The following IGSF3 variants were observed in gnomAD, a reference collection of about 807,000 sequenced individuals.
IGSF3 encodes the protein immunoglobulin superfamily member 3.
In IGSF3, 23 loss-of-function variants were observed where a neutral mutation model predicts 114.4. The ratio of observed to expected loss-of-function variants is 0.20; its 90% confidence interval spans 0.14 to 0.28. The LOEUF is 0.28. Among genes scored for constraint, IGSF3 ranks in the 10% least tolerant of loss-of-function variants. IGSF3 has a pLI of 1.00. For missense variants in IGSF3, 1,172 were observed against 1,591.5 expected, an observed-to-expected ratio of 0.74 and a Z score of 4.48; for synonymous variants, 571 against 645.2, an observed-to-expected ratio of 0.88 and a Z score of 1.74.
Position 116,651,375 on chromosome 1 carries a change from C to A in IGSF3, c.43+14909G>T, listed in dbSNP as rs1648630830. ...CCAGACCCAAATACACATGCTCCCA[C>A]CTGAGGCTGGGAAATGTACCAAGAA... On this transcript the variant is annotated intron_variant, in intron 2 of 10. Transcript: ENST00000369486. This position sits in a 1 kb window ranked among gnomAD's most constrained non-coding sequence, Gnocchi z 4.4. Among the ~76,000 whole-genome samples, 1 of 152,184 alleles carries A rather than the reference C, an allele frequency of 6.6e-6. No individual in the cohort carries two copies. The highest frequency in any genetic ancestry group is 2.4e-5 in the African/African-American group (1 of 41,438).
At chr1:116,631,734 C>T (rs1647600410) in intron 2 of IGSF3, among the ~76,000 whole-genome samples, 2 of 152,186 alleles carry the variant, frequency 1.3e-5, no homozygotes, top group African/African-American at 4.8e-5. Context: ...CTAGACCATC[C>T]TGCCATGTGC....
At position 116,585,453 on chromosome 1, in the gene IGSF3, T is replaced by C. The variant is rs1356741792; in HGVS notation, c.2441-401A>G. Among the ~76,000 whole-genome samples, 1 of 152,142 alleles carries C rather than the reference T, an allele frequency of 6.6e-6. No homozygotes were observed. Among genetic ancestry groups the C allele is most frequent in the African/African-American group, 2.4e-5 (1 of 41,422 alleles). On this transcript the variant is annotated intron_variant, in intron 8 of 10. Transcript: ENST00000369486. This position sits in a 1 kb window ranked among gnomAD's most constrained non-coding sequence, Gnocchi z 4.9. ...ACCTCTGAAAAGCAAGAGTAAACTT[T>C]TAAAACTGATCATATGGTGGCTAGA... is the stretch of plus-strand genomic sequence containing the variant.
Position 116,583,505 on chromosome 1 carries a change from G to C in IGSF3, c.2848+1140C>G, listed in dbSNP as rs2101322162. Among the ~76,000 whole-genome samples the C allele has an allele frequency of 6.6e-6, 1 of 152,310 alleles. No individual in the cohort carries two copies. Among genetic ancestry groups the C allele is most frequent in the East Asian group, 1.9e-4 (1 of 5,184 alleles). ...CCCTGAAGCATGTTCCATGACATAA[G>C]AGACCTGGCACCACCCTGGAGATGC... On this transcript the variant is annotated intron_variant, in intron 9 of 10. Transcript: ENST00000369486. This position sits in a 1 kb window ranked among gnomAD's most constrained non-coding sequence, Gnocchi z 4.5.
chr1:116,591,022 G>A (rs1480777125), intron 7 of IGSF3, among the ~76,000 whole-genome samples: 2 of 150,730 alleles, frequency 1.3e-5, no homozygotes, highest in African/African-American at 4.9e-5. Context: ...GCACCACTTA[G>A]AGAGAAATCC....
Position 116,644,019 on chromosome 1 carries a change from C to A in IGSF3, c.43+22265G>T, listed in dbSNP as rs1271092734. Among the ~76,000 whole-genome samples, 3 of 152,204 alleles carry A rather than the reference C, an allele frequency of 2.0e-5. No individual in the cohort carries two copies. The highest frequency in any genetic ancestry group is 4.4e-5 in the Non-Finnish European group (3 of 68,020). Reference sequence around the variant, plus strand: ...CCCAGCACGCATGCTGCAAGATAAACTTCAGTGCTCAGCCCTCTCACTGTG... The same window carrying A: ...CCCAGCACGCATGCTGCAAGATAAAATTCAGTGCTCAGCCCTCTCACTGTG... On this transcript the variant is annotated intron_variant, in intron 2 of 10. Transcript: ENST00000369486. The surrounding 1 kb of genome is among the most constrained non-coding windows in gnomAD (Gnocchi z 5.6).
intron 2 of IGSF3, among the ~76,000 whole-genome samples, chr1:116,619,738 C>A (rs1283975219): frequency 6.6e-6 from 1 of 152,066 alleles, no homozygotes; most frequent in Admixed American, 6.6e-5. Context: ...CCCCTCCCAA[C>A]CTACAATAGA....
Position 116,588,844 on chromosome 1 carries a change from G to C in IGSF3, c.2290C>G (p.Leu764Val). ...GCTCTCTGGACGGTGAGGCTGAACA[G>C]GCCCCCCGACACATGCCTCTCAAAC... ...LQFERHVSGG[L>V]FSLTVQRAEV... is the part of the protein sequence containing the mutation. The change falls in exon 8 of 11, where the codon CTG becomes GTG. Residue 764 changes from leucine to valine, a missense_variant. Leu to Val is a conservative substitution (Grantham distance 32, BLOSUM62 1). This residue lies in a region of IGSF3 where 736 missense variants were observed against 1,042.0 expected (regional missense o/e 0.71). Coordinates refer to ENST00000369486, the MANE Select transcript of IGSF3 (RefSeq NM_001007237.3). The surrounding 1 kb of genome is among the most constrained non-coding windows in gnomAD (Gnocchi z 4.9). 1 of 1,614,216 alleles carries C rather than the reference G, an allele frequency of 6.2e-7. No individual in the cohort carries two copies. The highest frequency in any genetic ancestry group is 8.5e-7 in the Non-Finnish European group (1 of 1,180,030).
rs888052074 is a variant in IGSF3 at position 116,657,726 on chromosome 1, C to G, written c.43+8558G>C. On this transcript the variant is annotated intron_variant, in intron 2 of 10. Transcript: ENST00000369486. The surrounding 1 kb of genome is among the most constrained non-coding windows in gnomAD (Gnocchi z 4.2). ...TGCCACAGGTGTACCCAGTGCCCTGCCGAGAGCAGAGACAGTGTTCTCAGA... is the reference window on the plus strand; with the variant it reads ...TGCCACAGGTGTACCCAGTGCCCTGGCGAGAGCAGAGACAGTGTTCTCAGA... Among the ~76,000 whole-genome samples, 19 of 152,242 alleles carry G rather than the reference C, an allele frequency of 1.2e-4. 1 individual carries two copies. Among genetic ancestry groups the G allele is most frequent in the Admixed American group, 1.2e-3 (18 of 15,294 alleles).
chr1:116,620,237 G>A (rs986220500), intron 2 of IGSF3, among the ~76,000 whole-genome samples: 8 of 152,144 alleles, frequency 5.3e-5, no homozygotes, highest in African/African-American at 1.9e-4. Flanking sequence ...AGGTGAGCAC[G>A]GAGGCAGTTT....
In IGSF3 at chr1:116,613,939, G is replaced by A. The variant is rs750045141; in HGVS notation, c.658C>T (p.Arg220Trp). The change falls in exon 4 of 11, where the codon CGG becomes TGG. Residue 220 changes from arginine to tryptophan, a missense_variant. Around this residue, in one of 3 missense-constraint regions of IGSF3, gnomAD observed 736 missense variants for 1,042.0 expected, o/e 0.71. Transcript: ENST00000369486. ...GTGGTCCTCCCCAGCTTGTCCAGCC[G>A]CACCTCCCCCAGGCTCTGCCTCTGG... ...YAQRQSLGEV[R>W]LDKLGRTTFR... 13 of 1,613,752 alleles carry A rather than the reference G, an allele frequency of 8.1e-6. No homozygotes were observed. The highest frequency in any genetic ancestry group is 8.0e-5 in the African/African-American group (6 of 74,934).
Position 116,605,816 on chromosome 1 carries a change from G to A in IGSF3, c.1223-1791C>T, listed in dbSNP as rs1157601618. Among the ~76,000 whole-genome samples the A allele has an allele frequency of 6.6e-6, 1 of 152,180 alleles. No homozygotes were observed. The highest frequency in any genetic ancestry group is 2.4e-5 in the African/African-American group (1 of 41,438). Reference sequence around the variant, plus strand: ...ATCAAGGAAGAAAATCCTTTCACTTGTATTAAGCAGAAGAATGACTTGCAG... The same window carrying A: ...ATCAAGGAAGAAAATCCTTTCACTTATATTAAGCAGAAGAATGACTTGCAG... On this transcript the variant is annotated intron_variant, in intron 5 of 10. Transcript: ENST00000369486. The surrounding 1 kb of genome is among the most constrained non-coding windows in gnomAD (Gnocchi z 5.1).
At position 116,651,138 on chromosome 1, in the gene IGSF3, C is replaced by T. The variant is rs558904650; in HGVS notation, c.43+15146G>A. Among the ~76,000 whole-genome samples the T allele has an allele frequency of 6.6e-6, 1 of 152,378 alleles. No homozygotes were observed. The highest frequency in any genetic ancestry group is 2.1e-4 in the South Asian group (1 of 4,834). The stretch of plus-strand genomic sequence containing the variant: ...CATAACTGAGCACATCACAGACTCA[C>T]ACAAATCTGTGGAATGAGTGCATGA... On this transcript the variant is annotated intron_variant, in intron 2 of 10. Transcript: ENST00000369486. This position sits in a 1 kb window ranked among gnomAD's most constrained non-coding sequence, Gnocchi z 4.4.
chr1:116,588,208 A>G lies in IGSF3; in HGVS notation c.2440+486T>C, dbSNP rs1232764526. On this transcript the variant is annotated intron_variant, in intron 8 of 10. Coordinates refer to ENST00000369486, the MANE Select transcript of IGSF3 (RefSeq NM_001007237.3). The surrounding 1 kb of genome is among the most constrained non-coding windows in gnomAD (Gnocchi z 4.9). ...CACCATGGGATCAAGGAAGGGCCAG[A>G]GGAGGAATGATTCAGTTTGGAGATA... 6.6e-6 allele frequency among the ~76,000 whole-genome samples: 1 copy of G among 152,126 alleles called. No homozygotes were observed. Among genetic ancestry groups the G allele is most frequent in the Non-Finnish European group, 1.5e-5 (1 of 68,012 alleles).
rs1451441909 is a variant in IGSF3, at chr1:116,593,694, C to T, written c.2030-4590G>A. Among the ~76,000 whole-genome samples the T allele has an allele frequency of 6.6e-6, 1 of 152,216 alleles. No individual in the cohort carries two copies. Among genetic ancestry groups the T allele is most frequent in the Non-Finnish European group, 1.5e-5 (1 of 68,046 alleles). Reference sequence around the variant, plus strand: ...TCTTGTAATTGGCCTGCATATGACACTCCCTCCCTCTCAGCCTAGCCACAG... The same window carrying T: ...TCTTGTAATTGGCCTGCATATGACATTCCCTCCCTCTCAGCCTAGCCACAG... On this transcript the variant is annotated intron_variant, in intron 7 of 10. Transcript: ENST00000369486. This position sits in a 1 kb window ranked among gnomAD's most constrained non-coding sequence, Gnocchi z 4.5.
In IGSF3 at chr1:116,584,195, CA is replaced by C. The variant is rs55953316; in HGVS notation, c.2848+449del. ...TGGGTGACAGAGTGAGACTCCGTTT[CA>C]AAAAAAAAAAAGTATTGGGAAGTGA... On this transcript the variant is annotated intron_variant, in intron 9 of 10. Transcript: ENST00000369486. The surrounding 1 kb of genome is among the most constrained non-coding windows in gnomAD (Gnocchi z 5.8). 0.52 allele frequency among the ~76,000 whole-genome samples: 77,138 copies of C among 147,172 alleles called. 22,922 individuals carry two copies. Among genetic ancestry groups the C allele is most frequent in the African/African-American group, 0.84 (34,082 of 40,684 alleles).
At chr1:116,643,129 T>G (rs554069054) in intron 2 of IGSF3, among the ~76,000 whole-genome samples, 25 of 152,262 alleles carry the variant, frequency 1.6e-4, no homozygotes, top group African/African-American at 6.0e-4. Flanking sequence ...TGAGTCTCAT[T>G]CCCCAAACAC....
intron 5 of IGSF3, among the ~76,000 whole-genome samples, chr1:116,604,441 C>G (rs1250369969): frequency 6.6e-6 from 1 of 152,160 alleles, no homozygotes; most frequent in Non-Finnish European, 1.5e-5. Flanking sequence ...ACTCTTCCTA[C>G]CATTCGGTAC....
Position 116,593,072 on chromosome 1 carries a change from G to T in IGSF3, c.2030-3968C>A, listed in dbSNP as rs1038073155. ...AGGTGTAGTGGATGAGGTTAGAAAGGTAAGCTTCGGCCACACTGCAAGGGG... is the reference window on the plus strand; with the variant it reads ...AGGTGTAGTGGATGAGGTTAGAAAGTTAAGCTTCGGCCACACTGCAAGGGG... On this transcript the variant is annotated intron_variant, in intron 7 of 10. Transcript: ENST00000369486. This position sits in a 1 kb window ranked among gnomAD's most constrained non-coding sequence, Gnocchi z 4.5. Among the ~76,000 whole-genome samples, 2 of 152,196 alleles carry T rather than the reference G, an allele frequency of 1.3e-5. No individual in the cohort carries two copies. The highest frequency in any genetic ancestry group is 4.8e-5 in the African/African-American group (2 of 41,440).
At chr1:116,631,301 G>C (rs550967254) in intron 2 of IGSF3, among the ~76,000 whole-genome samples, 1 of 127,250 alleles carries the variant, frequency 7.9e-6, no homozygotes, top group South Asian at 2.6e-4. Context: ...CTGGGCGACA[G>C]AGCCAGACGC....
Sources: gnomAD v4.1 joint callset for allele counts (sites outside exome capture counted in the v4.1 genomes callset) on GRCh38, gnomAD v4.1.1 for gene constraint, gnomAD v4.1.1 regional missense constraint, Gnocchi (gnomAD v3.1) non-coding constraint, MANE v1.5 for transcripts, NCBI Gene and HGNC (gene_info 2026-07-23, HGNC 2026-07-21) for gene names.